Variants in POFUT1 observed in about 807,000 individuals in gnomAD.
POFUT1 encodes the protein GDP-fucose protein O-fucosyltransferase 1.
A neutral mutation model predicts 42.4 loss-of-function variants in POFUT1; 16 were observed. The ratio of observed to expected loss-of-function variants is 0.38; its 90% CI spans 0.26 to 0.57. The LOEUF (loss-of-function observed/expected upper bound fraction) is 0.57. POFUT1 is among the 20% of genes least tolerant of loss of function. The pLI is 0.71. For missense variants in POFUT1, 470 were observed against 504.6 expected (o/e 0.93, Z 0.66); for synonymous variants, 206 against 205.4 (o/e 1.00, Z -0.03).
intron 2 of POFUT1, among the ~76,000 whole-genome samples, chr20:32,213,405 G>C (rs1362199920): frequency 1.3e-5 from 2 of 150,368 alleles, no homozygotes; most frequent in Non-Finnish European, 3.0e-5. Context: ...GCAGTGAGCC[G>C]AGATCGCGCC....
At chr20:32,230,215 G>A (rs369374992) in intron 5 of POFUT1, among the ~76,000 whole-genome samples, 9 of 151,668 alleles carry the variant, frequency 5.9e-5, no homozygotes, top group East Asian at 3.9e-4. Context: ...GTGAAACCCC[G>A]TCTCTACTAA....
chr20:32,217,101 C>T (rs759339216), intron 4 of POFUT1: 28 of 1,604,838 alleles, frequency 1.7e-5, no homozygotes, highest in Admixed American at 3.5e-5. Context: ...CGAGAAATGA[C>T]GTCATCCTGA....
Position 32,215,397 on chromosome 20 carries a change from C to T in POFUT1, c.375C>T (p.Tyr125=), listed in dbSNP as rs2047354472. 6.2e-7 allele frequency: 1 copy of T among 1,613,964 alleles called. No homozygotes were observed. Among genetic ancestry groups the T allele is most frequent in the Admixed American group, 1.7e-5 (1 of 59,998 alleles). Residue 125 remains tyrosine, a synonymous_variant, in exon 3 of 7, where the codon TAC becomes TAT. Coordinates refer to ENST00000375749, the MANE Select transcript of POFUT1 (RefSeq NM_015352.2). The part of the protein sequence containing the change: ...THWPPEKRVA[Y]CFEVAAQRSP... ...GGCCCCCTGAGAAGCGGGTGGCATA[C>T]TGCTTTGAGGTGGCAGCCCAGCGAA...
chr20:32,231,439 G>GGT (rs1481243103), intron 6 of POFUT1: 1 of 287,482 alleles, frequency 3.5e-6, no homozygotes, highest in Non-Finnish European at 6.8e-6. Flanking sequence ...TGTCTAGCCT[G>GGT]GTGCTTCGAC....
intron 2 of POFUT1, among the ~76,000 whole-genome samples, chr20:32,210,539 A>G (rs1169801525): frequency 6.6e-6 from 1 of 152,176 alleles, no homozygotes; most frequent in Non-Finnish European, 1.5e-5. Context: ...TTGAACCTAA[A>G]GCCTCCATTT....
chr20:32,210,497 A>G (rs2047322012), intron 2 of POFUT1, among the ~76,000 whole-genome samples: 1 of 152,236 alleles, frequency 6.6e-6, no homozygotes, highest in Non-Finnish European at 1.5e-5. Context: ...TGGAATTCAA[A>G]GCTATCTTTG....
At chr20:32,217,268 G>T in intron 4 of POFUT1, 1 of 1,376,738 alleles carries the variant, frequency 7.3e-7, no homozygotes, top group Non-Finnish European at 9.4e-7. Flanking sequence ...GTGAAAATGA[G>T]GATGACCAGC....
At chr20:32,223,606 T>G in intron 4 of POFUT1, 1 of 985,438 alleles carries the variant, frequency 1.0e-6, no homozygotes, top group Non-Finnish European at 1.2e-6. Flanking sequence ...ATCTGAAAGA[T>G]TAGCTGAAGA....
At position 32,210,281 on chromosome 20, in the gene POFUT1, C is replaced by T. The variant is rs576478171; in HGVS notation, c.246+89C>T. On this transcript the variant is annotated intron_variant, in intron 2 of 6. Transcript: ENST00000375749. ...AACCCTCAAGTCCTCTGGGCTTTAC[C>T]TCCCACTCCTCTGAGATTTCCCTAC... The T allele has an allele frequency of 3.8e-6, 5 of 1,328,940 alleles. No homozygotes were observed. The South Asian group carries it at 6.0e-5, about 16-fold the overall frequency. The allele number at this position is 1,328,940 out of a possible 1,614,324, so 82.3% of individuals were successfully genotyped here. A position where few individuals can be genotyped will look rare whatever the true frequency, so the allele number is the denominator to read the frequency against.
chr20:32,229,224 A>G (rs942497245), intron 5 of POFUT1, among the ~76,000 whole-genome samples: 1 of 152,216 alleles, frequency 6.6e-6, no homozygotes, highest in African/African-American at 2.4e-5. Context: ...TTATAAAGCT[A>G]GCATAACACT....
Position 32,230,901 on chromosome 20 carries a change from G to A in POFUT1, c.818G>A (p.Ser273Asn). The A allele has an allele frequency of 6.2e-7, 1 of 1,614,188 alleles. No individual in the cohort carries two copies. Among genetic ancestry groups the A allele is most frequent in the African/African-American group, 1.3e-5 (1 of 75,056 alleles). Residue 273 changes from serine to asparagine, a missense_variant, in exon 6 of 7, where the codon AGC becomes AAC. Transcript: ENST00000375749. ...ASPQCVGYSR[S>N]TAAPLTMTMC... ...CCGCAGTGTGTGGGCTACAGCCGCA[G>A]CACAGCGGCCCCCCTCACGATGACT... is the stretch of plus-strand genomic sequence containing the variant.
At chr20:32,216,241 G>A (rs2047359628) in intron 3 of POFUT1, among the ~76,000 whole-genome samples, 1 of 152,156 alleles carries the variant, frequency 6.6e-6, no homozygotes, top group Admixed American at 6.6e-5. Context: ...GACCCTCAGT[G>A]GGCCTTGGTT....
rs1014869421 is a variant in POFUT1, at chr20:32,236,508, A to G, written c.*1847A>G. ...CCAGCTCCAAATCACCTTGATTCAT[A>G]TCAGCAGTAATAATCACTTGTGTTC... is the stretch of plus-strand genomic sequence containing the variant. On this transcript the variant is annotated 3_prime_UTR_variant, in exon 7 of 7. Coordinates refer to ENST00000375749, the MANE Select transcript of POFUT1 (RefSeq NM_015352.2). 6.6e-6 allele frequency: 1 copy of G among 152,200 alleles called. No homozygotes were observed. Among genetic ancestry groups the G allele is most frequent in the Admixed American group, 6.5e-5 (1 of 15,276 alleles). The allele number at this position is 152,200 out of a possible 1,614,324, so 9.4% of individuals were successfully genotyped here.
intron 2 of POFUT1, among the ~76,000 whole-genome samples, chr20:32,212,870 C>T (rs1045823140): frequency 6.6e-6 from 1 of 151,962 alleles, no homozygotes; most frequent in African/African-American, 2.4e-5. Context: ...GCAAAAGCCA[C>T]TGCGCCCAGC....
chr20:32,225,678 G>A (rs2047411393), intron 4 of POFUT1, among the ~76,000 whole-genome samples: 1 of 151,956 alleles, frequency 6.6e-6, no homozygotes, highest in African/African-American at 2.4e-5. Flanking sequence ...TTGGATAGAT[G>A]GGGTGTTGCC....
intron 4 of POFUT1, among the ~76,000 whole-genome samples, chr20:32,226,137 T>G (rs1386516724): frequency 1.3e-5 from 2 of 152,104 alleles, no homozygotes; most frequent in Non-Finnish European, 2.9e-5. Context: ...TTTTTAAACC[T>G]GAAACAAAGC....
Position 32,235,924 on chromosome 20 carries a change from C to T in POFUT1, c.*1263C>T, listed in dbSNP as rs2047467962. 1 of 152,266 alleles carries T rather than the reference C, an allele frequency of 6.6e-6. No homozygotes were observed. Among genetic ancestry groups the T allele is most frequent in the Non-Finnish European group, 1.5e-5 (1 of 68,086 alleles). The allele number at this position is 152,266 out of a possible 1,614,324, so 9.4% of individuals were successfully genotyped here. A position where few individuals can be genotyped will look rare whatever the true frequency, so the allele number is the denominator to read the frequency against. ...CCAGAGCTCCTTGCAGTGCCTTCTT[C>T]CTTGTTTACCTGTGGGAGGAAACAC... On this transcript the variant is annotated 3_prime_UTR_variant, in exon 7 of 7. Transcript: ENST00000375749.
Position 32,230,969 on chromosome 20 carries a change from C to T in POFUT1, c.886C>T (p.Leu296Phe). Residue 296 changes from leucine (L) to phenylalanine (F), a missense_variant, in exon 6 of 7, where the codon CTC becomes TTC. Transcript: ENST00000375749. ...GAAGGAGATCCAGAGGGCTGTGAAG[C>T]TCTGGGTGAGGTCGCTGGATGCCCA... ...DLKEIQRAVK[L>F]WVRSLDAQSV... 1 of 1,614,210 alleles carries T rather than the reference C, an allele frequency of 6.2e-7. No individual in the cohort carries two copies. Among genetic ancestry groups the T allele is most frequent in the Non-Finnish European group, 8.5e-7 (1 of 1,180,010 alleles).
intron 4 of POFUT1, among the ~76,000 whole-genome samples, chr20:32,220,261 G>A (rs2047384689): frequency 6.6e-6 from 1 of 152,188 alleles, no homozygotes; most frequent in South Asian, 2.1e-4. Flanking sequence ...GTGGTCTCAT[G>A]TGGCTGCAGT....
Sources: gnomAD v4.1 joint callset for allele counts (sites outside exome capture counted in the v4.1 genomes callset) on GRCh38, gnomAD v4.1.1 for gene constraint, MANE v1.5 for transcripts, NCBI Gene and HGNC (gene_info 2026-07-23, HGNC 2026-07-21) for gene names.